The following DLG4 variants were observed in gnomAD, a reference collection of about 807,000 sequenced individuals.
DLG4 encodes disks large homolog 4.
In DLG4, 7 loss-of-function variants were observed where a neutral mutation model predicts 93.8. The ratio of observed to expected loss-of-function variants is 0.07; its 90% confidence interval spans 0.04 to 0.14. The LOEUF (loss-of-function observed/expected upper bound fraction) is 0.14. Among genes scored for constraint, DLG4 ranks in the 10% least tolerant of loss-of-function variants. The probability of loss-of-function intolerance (pLI) is 1.00; values close to 1 mark genes in which losing one functional copy is unlikely to be tolerated. For synonymous variants in DLG4, 341 were observed against 387.6 expected, an observed-to-expected ratio of 0.88 and a Z score of 1.41; for missense variants, 545 against 992.9, an observed-to-expected ratio of 0.55 and a Z score of 6.06.
At chr17:7,192,332 G>C in intron 17 of DLG4, 1 of 333,740 alleles carries the variant, frequency 3.0e-6, no homozygotes, top group Admixed American at 4.7e-5. Flanking sequence ...GGTGTGCAAG[G>C]CAGAGGTGAC....
intron 8 of DLG4, among the ~76,000 whole-genome samples, chr17:7,199,115 G>C (rs534014146): frequency 2.0e-5 from 3 of 152,272 alleles, no homozygotes; most frequent in African/African-American, 7.2e-5. Context: ...GAGGATAAAT[G>C]CATGCCTCTC....
At chr17:7,219,966 C>T (rs548553878), upstream of DLG4, 10 of 1,590,512 alleles carry the variant, frequency 6.3e-6, no homozygotes, top group Admixed American at 1.4e-4. Flanking sequence ...GAGCCAGCGG[C>T]GCCCGGAGAG....
rs1463274444 is a variant in DLG4, at chr17:7,195,338, G to T, written c.1302-843C>A. 6.6e-6 allele frequency among the ~76,000 whole-genome samples: 1 copy of T among 152,130 alleles called. No individual in the cohort carries two copies. Among genetic ancestry groups the T allele is most frequent in the South Asian group, 2.1e-4 (1 of 4,822 alleles). ...CTGGGAGCCACTACACAACCTCTGT[G>T]GTCACTGGGAGTCAGAACAACCTTG... is the stretch of plus-strand genomic sequence containing the variant. On this transcript the variant is annotated intron_variant, in intron 11 of 19. Coordinates refer to ENST00000399506, the MANE Select transcript of DLG4 (RefSeq NM_001321075.3). This position sits in a 1 kb window ranked among gnomAD's most constrained non-coding sequence, Gnocchi z 4.3.
intron 1 of DLG4, chr17:7,211,627 A>G (rs2070709187): frequency 2.1e-6 from 2 of 946,378 alleles, no homozygotes; most frequent in African/African-American, 1.8e-5. Context: ...GGGAAGGGGG[A>G]GCGGGCCGGA....
In DLG4 at chr17:7,194,059, T is replaced by G; in HGVS notation, c.1479-59A>C. 6.3e-7 allele frequency: 1 copy of G among 1,591,970 alleles called. No homozygotes were observed. Among genetic ancestry groups the G allele is most frequent in the Non-Finnish European group, 8.6e-7 (1 of 1,169,102 alleles). ...GAATGCCTACCCCCTGCCACCCCCATGCTCTGAGCCAGCTGACAACCCCTT... is the reference window on the plus strand; with the variant it reads ...GAATGCCTACCCCCTGCCACCCCCAGGCTCTGAGCCAGCTGACAACCCCTT... On this transcript the variant is annotated intron_variant, in intron 12 of 19. Coordinates refer to ENST00000399506, the MANE Select transcript of DLG4 (RefSeq NM_001321075.3). This position sits in a 1 kb window ranked among gnomAD's most constrained non-coding sequence, Gnocchi z 4.4.
chr17:7,205,873 T>A (rs576799395), intron 2 of DLG4, among the ~76,000 whole-genome samples: 1 of 150,216 alleles, frequency 6.7e-6, no homozygotes, highest in South Asian at 2.1e-4. Context: ...CCCATCCCTA[T>A]CCTGGAACCT....
rs956843698 is a variant in DLG4, at chr17:7,204,076, G to A, written c.151-9C>T. 6 of 1,606,966 alleles carry A rather than the reference G, an allele frequency of 3.7e-6. No homozygotes were observed. In the African/African-American group the frequency reaches 8.0e-5, roughly 22 times the overall value. On this transcript the variant is annotated splice_polypyrimidine_tract_variant and intron_variant, in intron 3 of 19. Transcript: ENST00000399506. Reference sequence around the variant, plus strand: ...CCGTTCACCTGCAACTCCAGCACGGGACAGAAACACAAAAGCAGTGAGACA... The same window carrying A: ...CCGTTCACCTGCAACTCCAGCACGGAACAGAAACACAAAAGCAGTGAGACA...
chr17:7,218,235 C>T, upstream of DLG4: 1 of 1,608,306 alleles, frequency 6.2e-7, no homozygotes, highest in Non-Finnish European at 8.5e-7. Context: ...GCCCCCACCT[C>T]CTTACCTGAC....
At chr17:7,197,348 T>C (rs2069847532) in intron 8 of DLG4, among the ~76,000 whole-genome samples, 1 of 152,018 alleles carries the variant, frequency 6.6e-6, no homozygotes, top group African/African-American at 2.4e-5. Context: ...TTTGGGGGTT[T>C]TCTCTGGGTT....
upstream of DLG4, chr17:7,217,742 G>C (rs1176810449): frequency 6.5e-7 from 1 of 1,535,184 alleles, no homozygotes; most frequent in African/African-American, 1.4e-5. Context: ...AAAGGAGATA[G>C]AAGCAGAAGC....
rs549104237 is a variant in DLG4, at chr17:7,189,224, G to T, written c.*1484C>A. ...GATCATTTCCAGGCCAGGCGCGGTG[G>T]CTCACGCCTGTAATCCCAGCACTTT... On this transcript the variant is annotated 3_prime_UTR_variant, in exon 20 of 20. Coordinates refer to ENST00000399506, the MANE Select transcript of DLG4 (RefSeq NM_001321075.3). Among the ~76,000 whole-genome samples the T allele has an allele frequency of 6.6e-6, 1 of 151,930 alleles. No homozygotes were observed. The highest frequency in any genetic ancestry group is 1.5e-5 in the Non-Finnish European group (1 of 67,966).
In DLG4 at chr17:7,197,196, A is replaced by C. The variant is rs1047083671; in HGVS notation, c.788-144T>G. 13 of 772,582 alleles carry C rather than the reference A, an allele frequency of 1.7e-5. No homozygotes were observed. The African/African-American group carries it at 2.1e-4, about 13-fold the overall frequency. 47.9% of individuals were successfully genotyped at this position (772,582 alleles called of 1,614,324 possible). ...GATGCCAGGGTGGGGTGGTAAGGGG[A>C]TATCAGATCACAGTGACATCAGGGG... On this transcript the variant is annotated intron_variant, in intron 8 of 19. Coordinates refer to ENST00000399506, the MANE Select transcript of DLG4 (RefSeq NM_001321075.3).
rs1482759712 is a variant in DLG4, at chr17:7,193,417, G to A, written c.1693+66C>T. The A allele has an allele frequency of 4.2e-6, 6 of 1,440,280 alleles. No individual in the cohort carries two copies. Among genetic ancestry groups the A allele is most frequent in the East Asian group, 2.4e-5 (1 of 42,070 alleles). The allele number at this position is 1,440,280 out of a possible 1,614,324, so 89.2% of individuals were successfully genotyped here. ...CCAGGAGGCTCTGCCTATGGCCCCA[G>A]GGATGGGCCTCCCCTGCCCCACCCC... On this transcript the variant is annotated intron_variant, in intron 16 of 19. Transcript: ENST00000399506. This position sits in a 1 kb window ranked among gnomAD's most constrained non-coding sequence, Gnocchi z 6.7.
rs546399007 is a variant in DLG4 at position 7,208,084 on chromosome 17, G to A, written c.96+90C>T. 1.5e-6 allele frequency: 2 copies of A among 1,315,500 alleles called. No homozygotes were observed. Among genetic ancestry groups the A allele is most frequent in the Non-Finnish European group, 2.0e-6 (2 of 1,023,582 alleles). The allele number at this position is 1,315,500 out of a possible 1,614,324, so 81.5% of individuals were successfully genotyped here. ...CACCAGGGTCTCCTACCTTGAAGGG[G>A]GAGAGGTGGGCGTGGCCCACGACCC... is the stretch of plus-strand genomic sequence containing the variant. On this transcript the variant is annotated intron_variant, in intron 2 of 19. Transcript: ENST00000399506. The surrounding 1 kb of genome is among the most constrained non-coding windows in gnomAD (Gnocchi z 5.4).
In DLG4 at chr17:7,196,844, G is replaced by A. The variant is rs748366669; in HGVS notation, c.996C>T (p.Asp332=). The A allele has an allele frequency of 4.3e-5, 70 of 1,613,484 alleles. No homozygotes were observed. Among genetic ancestry groups the A allele is most frequent in the African/African-American group, 5.3e-5 (4 of 74,870 alleles). ...TAAAGGAGATGAAGATGCCTTCACC[G>A]TCCTCGCCACCCACGATGTTGAAGC... ...GLGFNIVGGE[D]GEGIFISFIL... The change falls in exon 9 of 20, where the codon GAC becomes GAT. Residue 332 remains aspartate, a synonymous_variant. Transcript: ENST00000399506. The surrounding 1 kb of genome is among the most constrained non-coding windows in gnomAD (Gnocchi z 8.3).
Position 7,217,149 on chromosome 17 carries a change from T to G in DLG4, c.-2A>C, listed in dbSNP as rs2070954999. The stretch of plus-strand genomic sequence containing the variant: ...TGTCACTATACAGAGACAGTCCATG[T>G]TGGGGGGCCTGGCCGCGGCGGCGGG... On this transcript the variant is annotated 5_prime_UTR_variant, in exon 1 of 20. Coordinates refer to ENST00000399506, the MANE Select transcript of DLG4 (RefSeq NM_001321075.3). 3.9e-6 allele frequency: 5 copies of G among 1,290,180 alleles called. No homozygotes were observed. Among genetic ancestry groups the G allele is most frequent in the South Asian group, 3.0e-5 (1 of 33,194 alleles). The allele number at this position is 1,290,180 out of a possible 1,614,324, so 79.9% of individuals were successfully genotyped here. A position where few individuals can be genotyped will look rare whatever the true frequency, so the allele number is the denominator to read the frequency against.
rs933435504 is a variant in DLG4, at chr17:7,188,328, G to C, written c.*2380C>G. On this transcript the variant is annotated 3_prime_UTR_variant, in exon 20 of 20. Coordinates refer to ENST00000399506, the MANE Select transcript of DLG4 (RefSeq NM_001321075.3). ...GCCATCCACAGAATCACTACCCCTGGGTTGGTCTTTTGCATGAAACTCTCA... is the reference window on the plus strand; with the variant it reads ...GCCATCCACAGAATCACTACCCCTGCGTTGGTCTTTTGCATGAAACTCTCA... 6.6e-6 allele frequency among the ~76,000 whole-genome samples: 1 copy of C among 152,078 alleles called. No homozygotes were observed. Among genetic ancestry groups the C allele is most frequent in the Admixed American group, 6.6e-5 (1 of 15,250 alleles).
In DLG4 at chr17:7,194,056, C is replaced by T; in HGVS notation, c.1479-56G>A. On this transcript the variant is annotated intron_variant, in intron 12 of 19. Transcript: ENST00000399506. The surrounding 1 kb of genome is among the most constrained non-coding windows in gnomAD (Gnocchi z 4.4). ...GGGGAATGCCTACCCCCTGCCACCC[C>T]CATGCTCTGAGCCAGCTGACAACCC... 1 of 1,595,494 alleles carries T rather than the reference C, an allele frequency of 6.3e-7. No homozygotes were observed. The highest frequency in any genetic ancestry group is 1.1e-5 in the South Asian group (1 of 87,982).
intron 3 of DLG4, 54 bp from the exon 4 acceptor site, chr17:7,204,121 C>G (rs1386515024): frequency 3.8e-6 from 6 of 1,599,138 alleles, no homozygotes; most frequent in Non-Finnish European, 4.3e-6. Context: ...GTCTGACCAC[C>G]TGCCCGTCAT....
Sources: allele counts gnomAD v4.1 joint callset (sites outside exome capture counted in the v4.1 genomes callset), GRCh38; gene constraint gnomAD v4.1.1; non-coding constraint Gnocchi (gnomAD v3.1); transcripts MANE v1.5; gene names NCBI Gene and HGNC (gene_info 2026-07-23, HGNC 2026-07-21).